SGCZ: variants seen among roughly 807,000 people sequenced by gnomAD.
SGCZ encodes zeta-sarcoglycan.
Under a neutral mutation model 41.3 loss-of-function variants are expected in SGCZ, and 40 were observed. The ratio of observed to expected loss-of-function variants is 0.97; its 90% confidence interval spans 0.75 to 1.26. SGCZ has a LOEUF of 1.26. SGCZ is among the 50% of genes most tolerant of loss of function. The pLI is 0.00. For synonymous variants in SGCZ, 206 were observed against 137.5 expected, an observed-to-expected ratio of 1.50 and a Z score of -3.49; for missense variants, 552 against 369.8, an observed-to-expected ratio of 1.49 and a Z score of -4.04.
intron 4 of SGCZ, among the ~76,000 whole-genome samples, chr8:14,222,205 C>G (rs1277087050): frequency 6.6e-6 from 1 of 151,964 alleles, no homozygotes; most frequent in Non-Finnish European, 1.5e-5. Context: ...CAGTCTTGCT[C>G]TGTTGCTCAG....
In SGCZ at chr8:14,474,065, AAAG is replaced by A. The variant is rs374388854; in HGVS notation, c.234+80664_234+80666del. 5.7e-4 allele frequency among the ~76,000 whole-genome samples: 87 copies of A among 152,256 alleles called. No individual in the cohort carries two copies. In the East Asian group the frequency reaches 0.01, roughly 18 times the overall value. On this transcript the variant is annotated intron_variant, in intron 2 of 7. Transcript: ENST00000382080. ...ACAAGATTGGGGAAAGTTATAGGGG[AAAG>A]AAGAAGTCTCTTGTCAACAGAAATA...
intron 4 of SGCZ, among the ~76,000 whole-genome samples, chr8:14,185,442 G>T (rs988646787): frequency 2.6e-5 from 4 of 151,898 alleles, no homozygotes; most frequent in Middle Eastern, 3.4e-3. Context: ...CAAAAAATCT[G>T]GCTTTCATTC....
intron 1 of SGCZ, among the ~76,000 whole-genome samples, chr8:14,814,526 C>A (rs574186127): frequency 1.3e-5 from 2 of 152,170 alleles, no homozygotes; most frequent in African/African-American, 4.8e-5. Flanking sequence ...AAGGCAGGAA[C>A]CAAGTATGTA....
At chr8:15,237,423 C>T (rs1220253500) in intron 1 of SGCZ, among the ~76,000 whole-genome samples, 162 bp downstream of exon 1, 1 of 152,198 alleles carries the variant, frequency 6.6e-6, no homozygotes, top group Non-Finnish European at 1.5e-5. Flanking sequence ...GTCCTCGGCC[C>T]CAGCAGGGGC....
intron 1 of SGCZ, among the ~76,000 whole-genome samples, chr8:14,989,065 T>C (rs186889566): frequency 1.5e-3 from 226 of 152,154 alleles, no homozygotes; most frequent in African/African-American, 5.3e-3. Context: ...GGGAATCAAG[T>C]TTGCACTGTA....
intron 4 of SGCZ, among the ~76,000 whole-genome samples, chr8:14,210,781 T>G (rs1805779082): frequency 6.6e-6 from 1 of 152,174 alleles, no homozygotes; most frequent in Non-Finnish European, 1.5e-5. Flanking sequence ...TATTTCTAAT[T>G]TATTTAAAAA....
intron 4 of SGCZ, among the ~76,000 whole-genome samples, chr8:14,169,872 C>T (rs936360332): frequency 6.6e-6 from 1 of 151,960 alleles, no homozygotes; most frequent in Non-Finnish European, 1.5e-5. Context: ...AGAATTCATC[C>T]AGTTAGTGAA....
At chr8:14,757,632 G>A (rs1326610911) in intron 1 of SGCZ, among the ~76,000 whole-genome samples, 1 of 152,146 alleles carries the variant, frequency 6.6e-6, no homozygotes, top group East Asian at 1.9e-4. Flanking sequence ...GTACCGGGTA[G>A]CATGATAGAG....
At chr8:14,907,382 C>G (rs746933880) in intron 1 of SGCZ, among the ~76,000 whole-genome samples, 1 of 151,976 alleles carries the variant, frequency 6.6e-6, no homozygotes. Flanking sequence ...GAGATGATGT[C>G]TCACTATCTT....
chr8:14,558,958 C>T (rs1441308459), intron 1 of SGCZ, among the ~76,000 whole-genome samples: 1 of 151,912 alleles, frequency 6.6e-6, no homozygotes, highest in Admixed American at 6.6e-5. Context: ...CTCAACAAAA[C>T]TGGCACAGAA....
intron 1 of SGCZ, among the ~76,000 whole-genome samples, chr8:14,693,222 GTTAAAATGACC>G (rs1312907905): frequency 6.6e-6 from 1 of 151,800 alleles, no homozygotes; most frequent in Non-Finnish European, 1.5e-5. Context: ...ATTCTAATCT[GTTAAAATGACC>G]TTAATAATTT....
At chr8:14,646,277 C>T (rs1807212634) in intron 1 of SGCZ, among the ~76,000 whole-genome samples, 1 of 151,842 alleles carries the variant, frequency 6.6e-6, no homozygotes, top group South Asian at 2.1e-4. Context: ...TGTTTAGTTC[C>T]CACTTATGAG....
At chr8:14,583,988 G>C (rs1359327936) in intron 1 of SGCZ, among the ~76,000 whole-genome samples, 2 of 152,092 alleles carry the variant, frequency 1.3e-5, no homozygotes, top group South Asian at 4.2e-4. Context: ...GTTTTGTTTT[G>C]TTTTGTTTCA....
chr8:14,411,809 C>G (rs949249504), intron 2 of SGCZ, among the ~76,000 whole-genome samples: 6 of 152,044 alleles, frequency 3.9e-5, no homozygotes, highest in Non-Finnish European at 5.9e-5. Context: ...ATTCATGACA[C>G]TTAAAAATGT....
intron 1 of SGCZ, among the ~76,000 whole-genome samples, chr8:14,753,745 T>C (rs2130327232): frequency 6.6e-6 from 1 of 152,294 alleles, no homozygotes; most frequent in African/African-American, 2.4e-5. Context: ...ACTCATTCTG[T>C]GAGCTCTTTC....
chr8:14,310,991 T>G (rs1164346103), intron 3 of SGCZ, among the ~76,000 whole-genome samples: 1 of 152,134 alleles, frequency 6.6e-6, no homozygotes, highest in Non-Finnish European at 1.5e-5. Context: ...TTTCTGGGTT[T>G]GAGACTATTG....
At chr8:15,235,136 C>A (rs1217344255) in intron 1 of SGCZ, among the ~76,000 whole-genome samples, 1 of 152,154 alleles carries the variant, frequency 6.6e-6, no homozygotes, top group Non-Finnish European at 1.5e-5. Flanking sequence ...CAAGAAGCCA[C>A]CAGAGACTAA....
At chr8:14,454,210 A>C (rs566373498) in intron 2 of SGCZ, among the ~76,000 whole-genome samples, 34 of 152,146 alleles carry the variant, frequency 2.2e-4, no homozygotes, top group Non-Finnish European at 4.4e-4. Context: ...TAGGTTAAGA[A>C]GGTTGATTGG....
intron 1 of SGCZ, among the ~76,000 whole-genome samples, chr8:14,997,890 G>A (rs1477133110): frequency 6.6e-6 from 1 of 152,086 alleles, no homozygotes; most frequent in Non-Finnish European, 1.5e-5. Context: ...AACCCGGGAG[G>A]CGGAGGTTGC....
Sources: allele counts gnomAD v4.1 joint callset (sites outside exome capture counted in the v4.1 genomes callset), GRCh38; gene constraint gnomAD v4.1.1; transcripts MANE v1.5; gene names NCBI Gene and HGNC (gene_info 2026-07-23, HGNC 2026-07-21).